Variants in PSD3 observed in about 807,000 individuals in gnomAD.
PSD3 encodes PH and SEC7 domain-containing protein 3.
In PSD3, 49 loss-of-function variants were observed where a neutral mutation model predicts 105.5. That is an observed-to-expected ratio of 0.46 (90% CI 0.37 to 0.59). The LOEUF (loss-of-function observed/expected upper bound fraction) is 0.59. Among genes scored for constraint, PSD3 ranks in the 20% least tolerant of loss-of-function variants. The pLI, the probability that PSD3 is intolerant of heterozygous loss-of-function variation, is 0.00. For synonymous variants in PSD3, 557 were observed against 457.8 expected (o/e 1.22, Z -2.77); for missense variants, 1,561 against 1,263.8 (o/e 1.24, Z -3.57).
chr8:18,678,437 C>T (rs1366434167), intron 9 of PSD3, among the ~76,000 whole-genome samples: 1 of 152,216 alleles, frequency 6.6e-6, no homozygotes, highest in Non-Finnish European at 1.5e-5. Flanking sequence ...TTTTCTTTCT[C>T]TCTGCCTATC....
intron 8 of PSD3, among the ~76,000 whole-genome samples, chr8:18,769,422 AG>A (rs989341042): frequency 9.9e-5 from 15 of 152,206 alleles, no homozygotes; most frequent in African/African-American, 3.6e-4. Context: ...CTCTTAAAAA[AG>A]TGTGTTAATT....
chr8:18,664,736 G>A (rs909534399), intron 9 of PSD3, among the ~76,000 whole-genome samples: 2 of 152,146 alleles, frequency 1.3e-5, no homozygotes, highest in African/African-American at 4.8e-5. Flanking sequence ...TCAATGCCTG[G>A]CTTCAAAGCT....
intron 4 of PSD3, among the ~76,000 whole-genome samples, chr8:18,845,637 A>G (rs571516388): frequency 5.3e-5 from 8 of 152,244 alleles, no homozygotes; most frequent in Admixed American, 1.3e-4. Flanking sequence ...TGCAGCATCA[A>G]TTAGAAATAG....
chr8:18,669,681 A>G (rs564179059), intron 9 of PSD3, among the ~76,000 whole-genome samples: 7 of 152,310 alleles, frequency 4.6e-5, no homozygotes, highest in Admixed American at 2.0e-4. Context: ...AAACTTATGA[A>G]ATGTTTGTCT....
chr8:19,075,581 C>T (rs1431578498), intron 1 of PSD3, among the ~76,000 whole-genome samples: 1 of 152,216 alleles, frequency 6.6e-6, no homozygotes, highest in Non-Finnish European at 1.5e-5. Flanking sequence ...CTCTTTCACC[C>T]TGATGGCCCC....
At chr8:18,767,463 T>C (rs916725051) in intron 8 of PSD3, among the ~76,000 whole-genome samples, 75 of 152,138 alleles carry the variant, frequency 4.9e-4, no homozygotes, top group Non-Finnish European at 3.2e-4. Flanking sequence ...GTAATATACC[T>C]GTGACCGGGC....
chr8:18,938,421 A>C (rs1822299848), intron 1 of PSD3, among the ~76,000 whole-genome samples: 1 of 152,128 alleles, frequency 6.6e-6, no homozygotes, highest in Non-Finnish European at 1.5e-5. Flanking sequence ...CAGGAGTTCG[A>C]GACCAGCCTG....
intron 1 of PSD3, among the ~76,000 whole-genome samples, chr8:19,050,487 C>T (rs1027499874): frequency 6.6e-6 from 1 of 152,118 alleles, no homozygotes; most frequent in Non-Finnish European, 1.5e-5. Context: ...ACATATACAC[C>T]ATGGAATACT....
At chr8:18,571,229 G>T (rs1274504955) in intron 14 of PSD3, among the ~76,000 whole-genome samples, 2 of 152,074 alleles carry the variant, frequency 1.3e-5, no homozygotes, top group Non-Finnish European at 2.9e-5. Flanking sequence ...GACAAACAAG[G>T]CCTTTCATGA....
intron 2 of PSD3, among the ~76,000 whole-genome samples, chr8:18,904,742 T>G (rs1819731255): frequency 6.6e-6 from 1 of 152,218 alleles, no homozygotes; most frequent in Non-Finnish European, 1.5e-5. Context: ...TACCTTAACC[T>G]TTCTGGGCCA....
chr8:18,949,604 T>C (rs1823114521), intron 1 of PSD3, among the ~76,000 whole-genome samples: 1 of 152,062 alleles, frequency 6.6e-6, no homozygotes, highest in Non-Finnish European at 1.5e-5. Flanking sequence ...TGAAGTCAGG[T>C]CACTCAGTGG....
intron 1 of PSD3, among the ~76,000 whole-genome samples, chr8:19,002,914 G>A (rs1023406936): frequency 8.6e-5 from 13 of 151,972 alleles, no homozygotes; most frequent in Admixed American, 1.3e-4. Context: ...CAGTTTTGCC[G>A]TTTAATAGGT....
intron 1 of PSD3, among the ~76,000 whole-genome samples, chr8:19,021,365 T>C (rs1235796744): frequency 6.6e-6 from 1 of 152,218 alleles, no homozygotes; most frequent in Non-Finnish European, 1.5e-5. Flanking sequence ...TAGTGCTATA[T>C]GCCTGTAATT....
chr8:18,716,470 G>C (rs947883316), intron 9 of PSD3, among the ~76,000 whole-genome samples: 21 of 152,194 alleles, frequency 1.4e-4, no homozygotes, highest in African/African-American at 4.8e-4. Context: ...TGAAACAAAA[G>C]GCTGAGAGTG....
chr8:18,986,481 G>C (rs1411713093), intron 1 of PSD3, among the ~76,000 whole-genome samples: 2 of 151,662 alleles, frequency 1.3e-5, no homozygotes, highest in African/African-American at 4.9e-5. Flanking sequence ...AATTCAGTAA[G>C]GTCTCTCTGG....
At chr8:18,706,888 G>C (rs984088136) in intron 9 of PSD3, among the ~76,000 whole-genome samples, 4 of 152,122 alleles carry the variant, frequency 2.6e-5, no homozygotes, top group Admixed American at 2.6e-4. Context: ...AACCAGCTTA[G>C]ACAGCATTTA....
chr8:18,809,007 G>A (rs1811448641), intron 4 of PSD3: 1 of 1,151,566 alleles, frequency 8.7e-7, no homozygotes, highest in Non-Finnish European at 1.2e-6. Flanking sequence ...CAGAACACAA[G>A]GGCCACTGTC....
chr8:18,632,888 C>G (rs187186355), intron 10 of PSD3, 82 bp from the exon 11 acceptor site: 1 of 1,075,544 alleles, frequency 9.3e-7, no homozygotes. Context: ...TAAAAAACTA[C>G]ATTGTATTCC....
chr8:18,832,033 C>G (rs981984155), intron 4 of PSD3, among the ~76,000 whole-genome samples: 1 of 152,170 alleles, frequency 6.6e-6, no homozygotes, highest in South Asian at 2.1e-4. Context: ...AAAGCAAAAA[C>G]CTTCCTTTCT....
Sources: allele counts gnomAD v4.1 joint callset (sites outside exome capture counted in the v4.1 genomes callset), GRCh38; gene constraint gnomAD v4.1.1; transcripts MANE v1.5; gene names NCBI Gene and HGNC (gene_info 2026-07-23, HGNC 2026-07-21).